Variants in ZFHX3 observed in about 807,000 individuals in gnomAD.
ZFHX3 encodes zinc finger homeobox protein 3.
Under a neutral mutation model 279.1 loss-of-function variants are expected in ZFHX3, and 42 were observed. The observed-to-expected ratio is 0.15, with a 90% CI of 0.12 to 0.19. ZFHX3 has a LOEUF of 0.19. Among genes scored for constraint, ZFHX3 ranks in the 10% least tolerant of loss-of-function variants. The pLI, the probability that ZFHX3 is intolerant of heterozygous loss-of-function variation, is 1.00. For synonymous variants in ZFHX3, 2,293 were observed against 1,957.8 expected, an observed-to-expected ratio of 1.17 and a Z score of -4.52; for missense variants, 4,981 against 4,754.0, an observed-to-expected ratio of 1.05 and a Z score of -1.40.
intron 3 of ZFHX3, among the ~76,000 whole-genome samples, chr16:73,410,342 G>A (rs770174656): frequency 8.5e-5 from 13 of 152,280 alleles, no homozygotes; most frequent in African/African-American, 3.1e-4. Flanking sequence ...CTTGAACCCG[G>A]GAGGCAGAGG....
At chr16:72,856,613 G>A (rs2037761477) in intron 4 of ZFHX3, among the ~76,000 whole-genome samples, 1 of 151,964 alleles carries the variant, frequency 6.6e-6, no homozygotes, top group Admixed American at 6.6e-5. Context: ...TAGGTCCAAG[G>A]GCTTAGATTC....
intron 5 of ZFHX3, among the ~76,000 whole-genome samples, chr16:73,237,190 T>C (rs1044761514): frequency 2.0e-5 from 3 of 152,192 alleles, no homozygotes; most frequent in Admixed American, 2.0e-4. Flanking sequence ...CATTTTAGTA[T>C]TTTTCATAGG....
At chr16:72,845,035 T>A (rs2037442730) in intron 4 of ZFHX3, among the ~76,000 whole-genome samples, 1 of 152,012 alleles carries the variant, frequency 6.6e-6, no homozygotes, top group African/African-American at 2.4e-5. Flanking sequence ...AACAGGTGCA[T>A]GAGGGGAACG....
intron 3 of ZFHX3, among the ~76,000 whole-genome samples, chr16:73,361,455 T>C (rs964110200): frequency 6.6e-6 from 1 of 152,256 alleles, no homozygotes; most frequent in African/African-American, 2.4e-5. Context: ...GCTGAAATCA[T>C]GCGGAATACC....
At chr16:73,064,655 A>C (rs1235680372), upstream of ZFHX3, among the ~76,000 whole-genome samples, 1 of 152,104 alleles carries the variant, frequency 6.6e-6, no homozygotes, top group African/African-American at 2.4e-5. Context: ...TGAGCCCCAA[A>C]CTTGGAGCGC....
intron 1 of ZFHX3, among the ~76,000 whole-genome samples, chr16:73,717,544 G>C (rs1439546216): frequency 1.3e-5 from 2 of 152,150 alleles, no homozygotes; most frequent in African/African-American, 4.8e-5. Context: ...TACACTAAAT[G>C]CATTTTTGAC....
chr16:73,814,183 A>C (rs1044546784), intron 1 of ZFHX3, among the ~76,000 whole-genome samples: 3 of 152,202 alleles, frequency 2.0e-5, no homozygotes, highest in African/African-American at 7.2e-5. Context: ...TTTAAGTGAA[A>C]TCAGGTAAAG....
intron 4 of ZFHX3, among the ~76,000 whole-genome samples, chr16:73,289,824 G>A (rs1426658930): frequency 6.6e-6 from 1 of 152,160 alleles, no homozygotes; most frequent in Admixed American, 6.5e-5. Context: ...CCAGGAGGGA[G>A]TGTGAGAGAA....
intron 3 of ZFHX3, among the ~76,000 whole-genome samples, chr16:73,453,506 C>T (rs552345641): frequency 2.2e-4 from 34 of 152,298 alleles, no homozygotes; most frequent in Middle Eastern, 3.4e-3. Flanking sequence ...CCTAAAGAGA[C>T]GGTGTCAGAA....
intron 1 of ZFHX3, among the ~76,000 whole-genome samples, chr16:73,777,945 A>G (rs1959313535): frequency 6.6e-6 from 1 of 152,124 alleles, no homozygotes; most frequent in South Asian, 2.1e-4. Context: ...TGTTAAGCTG[A>G]CTTCCCAGAA....
intron 3 of ZFHX3, among the ~76,000 whole-genome samples, chr16:72,936,373 A>C (rs1960126101): frequency 6.6e-6 from 1 of 152,240 alleles, no homozygotes; most frequent in Non-Finnish European, 1.5e-5. Context: ...GGGGCAACGT[A>C]GGTCTCTGCT....
intron 6 of ZFHX3, among the ~76,000 whole-genome samples, chr16:73,133,329 C>T (rs932878497): frequency 1.3e-5 from 2 of 152,142 alleles, no homozygotes; most frequent in African/African-American, 4.8e-5. Context: ...CAAGACCAGC[C>T]TGGCCAACAT....
upstream of ZFHX3, among the ~76,000 whole-genome samples, chr16:73,050,412 G>C (rs528687612): frequency 6.6e-6 from 1 of 152,272 alleles, no homozygotes; most frequent in South Asian, 2.1e-4. Flanking sequence ...ACATGATGAG[G>C]CCTAGTCAAG....
chr16:73,513,948 G>A (rs924606350), intron 2 of ZFHX3, among the ~76,000 whole-genome samples: 8 of 152,128 alleles, frequency 5.3e-5, no homozygotes, highest in African/African-American at 1.9e-4. Context: ...CGCAGAAGAA[G>A]GCTGCACAAA....
At chr16:72,949,544 C>A (rs910051159) in intron 3 of ZFHX3, among the ~76,000 whole-genome samples, 1 of 151,978 alleles carries the variant, frequency 6.6e-6, no homozygotes, top group Non-Finnish European at 1.5e-5. Context: ...TTACAGTATC[C>A]GGAGCACCTC....
chr16:73,130,139 G>T (rs914086977), intron 7 of ZFHX3, among the ~76,000 whole-genome samples: 1 of 152,072 alleles, frequency 6.6e-6, no homozygotes, highest in Non-Finnish European at 1.5e-5. Flanking sequence ...TTATTTTTGG[G>T]CTTTCCCAGA....
In ZFHX3 at chr16:72,794,908, C is replaced by T; in HGVS notation, c.7774G>A (p.Ala2592Thr). ...GAGCTTGCTGGAATCTGAGGTATGG[C>T]CCCAGAGAGCAGCTGGCTGGCCAGG... Reference protein sequence around the residue: ...PLLASQLLSGAIPQIPASSAT... With the variant: ...PLLASQLLSGTIPQIPASSAT... Residue 2592 changes from alanine to threonine, a missense_variant, in exon 9 of 10, where the codon GCC becomes ACC. By Grantham distance (58) the Ala-to-Thr change is moderately conservative. Transcript: ENST00000268489. The surrounding 1 kb of genome is among the most constrained non-coding windows in gnomAD (Gnocchi z 4.2). The T allele has an allele frequency of 1.3e-5, 21 of 1,613,988 alleles. No individual in the cohort carries two copies. The highest frequency in any genetic ancestry group is 1.8e-5 in the Non-Finnish European group (21 of 1,180,022).
At chr16:72,822,422 A>G (rs1359866603) in intron 5 of ZFHX3, among the ~76,000 whole-genome samples, 3 of 152,212 alleles carry the variant, frequency 2.0e-5, no homozygotes. Context: ...CGAGTTCCCA[A>G]TCTGTGAGGC....
At chr16:73,490,169 A>C (rs561695831) in intron 2 of ZFHX3, among the ~76,000 whole-genome samples, 2 of 152,344 alleles carry the variant, frequency 1.3e-5, no homozygotes, top group African/African-American at 4.8e-5. Flanking sequence ...AGACACACTG[A>C]CAGTTTTATC....
Sources: gnomAD v4.1 joint callset for allele counts (sites outside exome capture counted in the v4.1 genomes callset) on GRCh38, gnomAD v4.1.1 for gene constraint, Gnocchi (gnomAD v3.1) non-coding constraint, MANE v1.5 for transcripts, NCBI Gene and HGNC (gene_info 2026-07-23, HGNC 2026-07-21) for gene names.